CACNA1A: variants seen among roughly 807,000 people sequenced by gnomAD.
CACNA1A encodes the protein calcium voltage-gated channel subunit alpha1 A.
CACNA1A carries 57 observed loss-of-function variants against 262.4 expected under a neutral mutation model. That is an observed-to-expected ratio of 0.22 (90% CI 0.18 to 0.27). CACNA1A has a LOEUF of 0.27. CACNA1A is among the 10% of genes least tolerant of loss of function. The pLI, the probability that CACNA1A is intolerant of heterozygous loss-of-function variation, is 1.00. For synonymous variants in CACNA1A, 1,431 were observed against 1,419.3 expected, an observed-to-expected ratio of 1.01 and a Z score of -0.18; for missense variants, 2,526 against 3,562.8, an observed-to-expected ratio of 0.71 and a Z score of 7.41.
At chr19:13,279,160 C>T (rs573272602) in intron 22 of CACNA1A, among the ~76,000 whole-genome samples, 3 of 152,128 alleles carry the variant, frequency 2.0e-5, no homozygotes, top group South Asian at 2.1e-4. Flanking sequence ...AAGGGCAGGC[C>T]GTGGGGGTCA....
intron 22 of CACNA1A, among the ~76,000 whole-genome samples, chr19:13,278,731 T>G (rs1260561250): frequency 6.6e-6 from 1 of 152,238 alleles, no homozygotes; most frequent in Non-Finnish European, 1.5e-5. Flanking sequence ...AAGAAATGTT[T>G]GTTGAATGAA....
rs757609189 is a variant in CACNA1A, at chr19:13,286,543, G to A, written c.3513C>T (p.Pro1171=). The A allele has an allele frequency of 6.5e-6, 10 of 1,534,700 alleles. No individual in the cohort carries two copies. In the African/African-American group the frequency reaches 1.3e-4, roughly 19 times the overall value. The part of the protein sequence containing the change: ...RKPDHTTVDI[P]PACPPPLNHT... Reference sequence around the variant, plus strand: ...GGTTGAGGGGGGGTGGGCAGGCTGGGGGGATGTCCACTGTGGTGTGGTCGG... The same window carrying A: ...GGTTGAGGGGGGGTGGGCAGGCTGGAGGGATGTCCACTGTGGTGTGGTCGG... Residue 1171 remains proline (P), a synonymous_variant, in exon 20 of 47, where the codon CCC becomes CCT. Coordinates refer to ENST00000360228, the MANE Select transcript of CACNA1A (RefSeq NM_001127222.2).
chr19:13,207,890 TGCTGCTGCG>T lies in CACNA1A; in HGVS notation c.6935_6943del (p.Pro2312_Gln2314del). ...CTGCTGCTGCTGCTGCTGCTGCTGCTGCTGCTGCGGGGGCCCCGAGCCGCCGGCCTTACG... is the reference window on the plus strand; with the variant it reads ...CTGCTGCTGCTGCTGCTGCTGCTGCTGGGGCCCCGAGCCGCCGGCCTTACG... On this transcript the variant is annotated inframe_deletion, in exon 47 of 47. Transcript: ENST00000360228. This position sits in a 1 kb window ranked among gnomAD's most constrained non-coding sequence, Gnocchi z 5.7. 1.4e-6 allele frequency: 2 copies of T among 1,405,096 alleles called. No individual in the cohort carries two copies. Among genetic ancestry groups the T allele is most frequent in the Non-Finnish European group, 1.9e-6 (2 of 1,068,464 alleles). The allele number at this position is 1,405,096 out of a possible 1,614,324, so 87.0% of individuals were successfully genotyped here. A position where few individuals can be genotyped will look rare whatever the true frequency, so the allele number is the denominator to read the frequency against.
chr19:13,367,113 G>A (rs1029493490), intron 4 of CACNA1A, among the ~76,000 whole-genome samples: 1 of 151,940 alleles, frequency 6.6e-6, no homozygotes, highest in East Asian at 1.9e-4. Context: ...GGCCAACATG[G>A]TGAAACCCCA....
rs181609594 is a variant in CACNA1A at position 13,220,484 on chromosome 19, A to G, written c.5731+4183T>C. ...ACAAGACCTCAGTCCTACAGCCACA[A>G]GGACTTCAATTCTGCCAACACCTGA... On this transcript the variant is annotated intron_variant, in intron 38 of 46. Coordinates refer to ENST00000360228, the MANE Select transcript of CACNA1A (RefSeq NM_001127222.2). Among the ~76,000 whole-genome samples the G allele has an allele frequency of 2.6e-5, 4 of 152,310 alleles. No individual in the cohort carries two copies. In the East Asian group the frequency reaches 5.8e-4, roughly 22 times the overall value.
At chr19:13,497,521 AATATATATATATATATATAT>A (rs1568709638) in intron 1 of CACNA1A, among the ~76,000 whole-genome samples, 15 of 12,562 alleles carry the variant, frequency 1.2e-3, no homozygotes, top group Admixed American at 4.9e-3. Context: ...AAAAAAAAAA[AATATATATATATATATATAT>A]ATATATATAT....
In CACNA1A at chr19:13,207,523, T is replaced by TGGC. The variant is rs1188417417; in HGVS notation, c.7308_7310dup (p.Pro2439dup). On this transcript the variant is annotated inframe_insertion, in exon 47 of 47. Transcript: ENST00000360228. The surrounding 1 kb of genome is among the most constrained non-coding windows in gnomAD (Gnocchi z 5.7). ...CCGAGGACGCGTGTCGTACGGGGGG[T>TGGC]GGCGCGTCGTAGGCCCCGGCCATGG... 1.4e-6 allele frequency: 2 copies of TGGC among 1,434,110 alleles called. No individual in the cohort carries two copies. Among genetic ancestry groups the TGGC allele is most frequent in the South Asian group, 2.7e-5 (2 of 74,548 alleles). 88.8% of individuals were successfully genotyped at this position (1,434,110 alleles called of 1,614,324 possible).
At position 13,299,046 on chromosome 19, in the gene CACNA1A, G is replaced by A. The variant is rs777076641; in HGVS notation, c.2587C>T (p.Arg863Cys). The change falls in exon 19 of 47, where the codon CGC becomes TGC. Residue 863 changes from arginine to cysteine, a missense_variant. Transcript: ENST00000360228. ...GGGTCCCGGGCCCGATCGTGGTAGC[G>A]GGCCTGTTTCCTGAGGAAGTCCTCG... ...RAEDFLRKQA[R>C]YHDRARDPSG... is the part of the protein sequence containing the mutation. 2.5e-6 allele frequency: 4 copies of A among 1,601,234 alleles called. No homozygotes were observed. Among genetic ancestry groups the A allele is most frequent in the East Asian group, 2.2e-5 (1 of 44,682 alleles).
At chr19:13,259,779 G>T in intron 26 of CACNA1A, 78 bp from the exon 27 acceptor site, 4 of 1,524,874 alleles carry the variant, frequency 2.6e-6, no homozygotes, top group Non-Finnish European at 3.6e-6. Flanking sequence ...TCAGAGACAG[G>T]GGGAGGGAAA....
At chr19:13,346,224 C>T (rs1337280512) in intron 6 of CACNA1A, among the ~76,000 whole-genome samples, 2 of 150,842 alleles carry the variant, frequency 1.3e-5, no homozygotes, top group Non-Finnish European at 3.0e-5. Flanking sequence ...ATTTTATCAT[C>T]TTCCTTCATC....
At chr19:13,360,445 C>G (rs554303001) in intron 5 of CACNA1A, among the ~76,000 whole-genome samples, 16 of 151,482 alleles carry the variant, frequency 1.1e-4, no homozygotes, top group Non-Finnish European at 1.5e-4. Context: ...CCTCTGTATC[C>G]CCTCCAAACA....
At chr19:13,418,406 C>T (rs1412513565) in intron 3 of CACNA1A, among the ~76,000 whole-genome samples, 1 of 152,074 alleles carries the variant, frequency 6.6e-6, no homozygotes, top group Non-Finnish European at 1.5e-5. Flanking sequence ...AACAGTGAAC[C>T]CTCCAGAAGT....
chr19:13,305,432 A>T (rs1370815887), intron 15 of CACNA1A, among the ~76,000 whole-genome samples: 1 of 152,232 alleles, frequency 6.6e-6, no homozygotes, highest in Non-Finnish European at 1.5e-5. Flanking sequence ...ATGCTCCTTT[A>T]AAAAAGATCC....
chr19:13,369,262 C>T (rs1404264979), intron 4 of CACNA1A, among the ~76,000 whole-genome samples: 9 of 152,142 alleles, frequency 5.9e-5, no homozygotes, highest in Non-Finnish European at 1.0e-4. Flanking sequence ...CTGGGAGCTA[C>T]TGCGTCTCTA....
intron 3 of CACNA1A, chr19:13,451,241 T>G (rs1412027772): frequency 6.6e-6 from 1 of 152,228 alleles, no homozygotes; most frequent in Non-Finnish European, 1.5e-5. Context: ...GCAACATTGC[T>G]CTGAAACAAA....
intron 38 of CACNA1A, among the ~76,000 whole-genome samples, chr19:13,219,042 A>ATTT (rs554840529): frequency 8.5e-6 from 1 of 118,012 alleles, no homozygotes; most frequent in African/African-American, 3.3e-5. Context: ...CCCTTTGCAG[A>ATTT]TTTTTTTTTT....
Position 13,255,162 on chromosome 19 carries a change from A to C in CACNA1A, c.4688T>G (p.Val1563Gly). ...GATCGTGTACTCGAAAGGCGGAGAC[A>C]CCACGAACTGCCACATGCGGTACTG... ...SFQYRMWQFVVSPPFEYTIMA... is the reference protein window; with the variant it reads ...SFQYRMWQFVGSPPFEYTIMA... Residue 1563 changes from valine (V) to glycine (G), a missense_variant, in exon 29 of 47, where the codon GTG becomes GGG. By Grantham distance (109) the Val-to-Gly change is moderately radical. Transcript: ENST00000360228. 1 of 1,613,898 alleles carries C rather than the reference A, an allele frequency of 6.2e-7. No individual in the cohort carries two copies. The highest frequency in any genetic ancestry group is 8.5e-7 in the Non-Finnish European group (1 of 1,179,834).
chr19:13,410,855 G>A (rs191450920), intron 3 of CACNA1A, among the ~76,000 whole-genome samples: 7 of 152,216 alleles, frequency 4.6e-5, no homozygotes. Flanking sequence ...ATGACAGCCA[G>A]CACCCACATT....
chr19:13,453,082 G>A, intron 2 of CACNA1A, 67 bp from the exon 3 acceptor site: 2 of 1,559,412 alleles, frequency 1.3e-6, no homozygotes, highest in African/African-American at 1.4e-5. Context: ...CAGGGAACCA[G>A]CCCACCTAGA....
Sources: gnomAD v4.1 joint callset for allele counts (sites outside exome capture counted in the v4.1 genomes callset) on GRCh38, gnomAD v4.1.1 for gene constraint, Gnocchi (gnomAD v3.1) non-coding constraint, MANE v1.5 for transcripts, NCBI Gene and HGNC (gene_info 2026-07-23, HGNC 2026-07-21) for gene names.